Variants in TACR3 observed in about 807,000 individuals in gnomAD.
TACR3 encodes tachykinin receptor 3, also known as neuromedin-K receptor.
In TACR3, 34 loss-of-function variants were observed where a neutral mutation model predicts 35.0. The observed-to-expected ratio is 0.97, with a 90% CI of 0.74 to 1.30. The LOEUF (loss-of-function observed/expected upper bound fraction) is 1.30. TACR3 is among the 50% of genes most tolerant of loss of function. The pLI is 0.00. For missense variants in TACR3, 558 were observed against 591.7 expected (o/e 0.94, Z 0.59); for synonymous variants, 233 against 221.1 (o/e 1.05, Z -0.48).
At chr4:103,630,335 A>G (rs1454818010) in intron 3 of TACR3, among the ~76,000 whole-genome samples, 1 of 152,218 alleles carries the variant, frequency 6.6e-6, no homozygotes, top group Non-Finnish European at 1.5e-5. Context: ...AAAATTGACA[A>G]ATGGGATCTA....
chr4:103,706,470 T>C (rs1471139311), intron 1 of TACR3, among the ~76,000 whole-genome samples: 1 of 152,178 alleles, frequency 6.6e-6, no homozygotes, highest in East Asian at 1.9e-4. Context: ...GCATGTTAAT[T>C]CATATGACAT....
chr4:103,619,737 G>T (rs1050888006), intron 3 of TACR3, among the ~76,000 whole-genome samples: 1 of 152,006 alleles, frequency 6.6e-6, no homozygotes. Flanking sequence ...AAGAAATTTT[G>T]GATTTTTATC....
intron 1 of TACR3, among the ~76,000 whole-genome samples, chr4:103,703,685 G>C (rs1227895107): frequency 6.6e-6 from 1 of 152,144 alleles, no homozygotes; most frequent in Non-Finnish European, 1.5e-5. Context: ...TATGCTCAGA[G>C]TGATGAGGCA....
intron 3 of TACR3, among the ~76,000 whole-genome samples, chr4:103,600,341 T>C (rs1180950824): frequency 6.6e-6 from 1 of 152,176 alleles, no homozygotes; most frequent in African/African-American, 2.4e-5. Context: ...TTGATTCTTC[T>C]CTCTTTTCTT....
intron 1 of TACR3, among the ~76,000 whole-genome samples, chr4:103,713,096 A>G (rs1389662617): frequency 1.3e-5 from 2 of 152,102 alleles, no homozygotes; most frequent in Non-Finnish European, 2.9e-5. Flanking sequence ...AACTAGAAAT[A>G]CCATTTGACC....
intron 1 of TACR3, among the ~76,000 whole-genome samples, chr4:103,700,075 A>C (rs1578263020): frequency 1.3e-5 from 2 of 152,208 alleles, no homozygotes; most frequent in Admixed American, 6.5e-5. Context: ...GTGAATACAC[A>C]AACAGCGAGT....
At chr4:103,641,391 T>C (rs1222378599) in intron 3 of TACR3, among the ~76,000 whole-genome samples, 2 of 151,998 alleles carry the variant, frequency 1.3e-5, no homozygotes, top group Non-Finnish European at 2.9e-5. Flanking sequence ...ACAGTACTAA[T>C]CATGAGGGAA....
At chr4:103,706,526 C>T (rs1384035888) in intron 1 of TACR3, among the ~76,000 whole-genome samples, 9 of 151,136 alleles carry the variant, frequency 6.0e-5, no homozygotes, top group Non-Finnish European at 1.3e-4. Context: ...TGTATATATA[C>T]ACACACATAT....
At chr4:103,614,884 GTTTTTTTTTTT>G (rs71580414) in intron 3 of TACR3, among the ~76,000 whole-genome samples, 4 of 72,060 alleles carry the variant, frequency 5.6e-5, no homozygotes, top group East Asian at 5.0e-4. Flanking sequence ...TTATGAATGT[GTTTTTTTTTTT>G]TTTTTTTTTT....
intron 1 of TACR3, among the ~76,000 whole-genome samples, chr4:103,702,775 A>C (rs971999891): frequency 6.6e-6 from 1 of 151,970 alleles, no homozygotes; most frequent in Admixed American, 6.5e-5. Flanking sequence ...GCTGGAAACC[A>C]TCATTCTCAG....
chr4:103,598,020 A>T (rs971003474), intron 3 of TACR3, among the ~76,000 whole-genome samples: 6 of 152,198 alleles, frequency 3.9e-5, no homozygotes, highest in African/African-American at 1.4e-4. Flanking sequence ...TCCCTGAGGA[A>T]TCGCCACACC....
chr4:103,623,173 TGAA>T (rs1057441223), intron 3 of TACR3, among the ~76,000 whole-genome samples: 92 of 152,232 alleles, frequency 6.0e-4, no homozygotes, highest in African/African-American at 1.9e-3. Flanking sequence ...AATCTTCCTG[TGAA>T]GAAGATTTAA....
intron 1 of TACR3, among the ~76,000 whole-genome samples, chr4:103,671,632 A>G (rs1726059034): frequency 6.6e-6 from 1 of 151,982 alleles, no homozygotes; most frequent in South Asian, 2.1e-4. Context: ...ATCAATTGTA[A>G]TATCTAATTT....
At chr4:103,631,393 T>C (rs62340655) in intron 3 of TACR3, among the ~76,000 whole-genome samples, 11,113 of 152,168 alleles carry the variant, frequency 0.073, 483 homozygotes, top group African/African-American at 0.12. Context: ...GTTTACTGCA[T>C]ACTATATCAA....
chr4:103,628,034 C>T (rs1019590844), intron 3 of TACR3, among the ~76,000 whole-genome samples: 2 of 152,078 alleles, frequency 1.3e-5, no homozygotes, highest in East Asian at 1.9e-4. Context: ...ACAACTTGCT[C>T]CCGAATGACT....
At chr4:103,661,575 A>C (rs1725836998) in intron 1 of TACR3, among the ~76,000 whole-genome samples, 1 of 152,192 alleles carries the variant, frequency 6.6e-6, no homozygotes, top group Non-Finnish European at 1.5e-5. Flanking sequence ...AGCCCTGTAC[A>C]ACTCCTGTAG....
intron 1 of TACR3, among the ~76,000 whole-genome samples, chr4:103,714,544 G>GT (rs1318607406): frequency 1.3e-5 from 2 of 152,062 alleles, no homozygotes; most frequent in Non-Finnish European, 2.9e-5. Context: ...TTTTACCATA[G>GT]TTTTAGTTAC....
chr4:103,697,227 C>G (rs966533165), intron 1 of TACR3, among the ~76,000 whole-genome samples: 1 of 152,066 alleles, frequency 6.6e-6, no homozygotes, highest in Non-Finnish European at 1.5e-5. Flanking sequence ...AATGTGATTG[C>G]TCATTGATTA....
At chr4:103,710,868 A>G (rs192318394) in intron 1 of TACR3, among the ~76,000 whole-genome samples, 5 of 152,344 alleles carry the variant, frequency 3.3e-5, no homozygotes, top group Non-Finnish European at 1.5e-5. Flanking sequence ...AAACACTTCT[A>G]CGCAAATAAA....
Sources: allele counts gnomAD v4.1 joint callset (sites outside exome capture counted in the v4.1 genomes callset), GRCh38; gene constraint gnomAD v4.1.1; transcripts MANE v1.5; gene names NCBI Gene and HGNC (gene_info 2026-07-23, HGNC 2026-07-21).